ANO2: variants seen among roughly 807,000 people sequenced by gnomAD.
The protein encoded by ANO2 is anoctamin 2, also known as anoctamin-2.
ANO2 carries 101 observed loss-of-function variants against 124.2 expected under a neutral mutation model. The ratio of observed to expected loss-of-function variants is 0.81; its 90% CI spans 0.69 to 0.96. The LOEUF is 0.96. Among genes scored for constraint, ANO2 ranks in the 40% least tolerant of loss-of-function variants. The probability of loss-of-function intolerance (pLI) is 0.00; values close to 1 mark genes in which losing one functional copy is unlikely to be tolerated. For missense variants in ANO2, 1,293 were observed against 1,274.5 expected, an observed-to-expected ratio of 1.01 and a Z score of -0.22; for synonymous variants, 486 against 482.5, an observed-to-expected ratio of 1.01 and a Z score of -0.09.
In ANO2 at chr12:5,587,920, T is replaced by C. The variant is rs573751863; in HGVS notation, c.2234-9402A>G. ...CAGGTTCCAGTTCAATTTAGAAAAA[T>C]GTAAATATAATACATCTCCCCCTGC... On this transcript the variant is annotated intron_variant, in intron 20 of 24. Transcript: ENST00000682330. 4.6e-5 allele frequency among the ~76,000 whole-genome samples: 7 copies of C among 151,966 alleles called. 1 individual carries two copies. Among genetic ancestry groups the C allele is most frequent in the African/African-American group, 1.7e-4 (7 of 41,408 alleles).
chr12:5,670,001 ACATAAAACTTTACAAGT>A (rs1947912793), intron 14 of ANO2, among the ~76,000 whole-genome samples: 1 of 152,226 alleles, frequency 6.6e-6, no homozygotes, highest in African/African-American at 2.4e-5. Context: ...CTGTGAGCCC[ACATAAAACTTTACAAGT>A]CTCCTGTTCC....
intron 14 of ANO2, among the ~76,000 whole-genome samples, chr12:5,726,231 G>A (rs1003266252): frequency 6.6e-6 from 1 of 151,888 alleles, no homozygotes; most frequent in African/African-American, 2.4e-5. Flanking sequence ...TTATATTCCT[G>A]AATTTTCCCT....
intron 14 of ANO2, among the ~76,000 whole-genome samples, chr12:5,691,417 G>T (rs994662410): frequency 1.3e-5 from 2 of 151,978 alleles, no homozygotes; most frequent in Non-Finnish European, 2.9e-5. Flanking sequence ...CTGGTAGGTG[G>T]AATAAAGCAA....
intron 14 of ANO2, among the ~76,000 whole-genome samples, chr12:5,678,996 T>G (rs1948377485): frequency 1.3e-5 from 2 of 152,176 alleles, no homozygotes; most frequent in South Asian, 4.1e-4. Context: ...GGACAAGCAT[T>G]CAGGGAGCCA....
In ANO2 at chr12:5,625,194, G is replaced by C. The variant is rs911590414; in HGVS notation, c.1817-9897C>G. ...AAAATCACAGAAAGTGAATGGTGTG[G>C]GGGGGAGTGCGGCACAGAGACAGAA... On this transcript the variant is annotated intron_variant, in intron 16 of 24. Coordinates refer to ENST00000682330, the MANE Select transcript of ANO2 (RefSeq NM_001364791.2). 5.3e-5 allele frequency among the ~76,000 whole-genome samples: 8 copies of C among 152,266 alleles called. No homozygotes were observed. In the East Asian group the frequency reaches 9.7e-4, roughly 18 times the overall value.
At chr12:5,612,627 G>A (rs758391618) in intron 19 of ANO2, 29 bp downstream of exon 19, 15 of 1,597,586 alleles carry the variant, frequency 9.4e-6, no homozygotes, top group East Asian at 2.2e-5. Flanking sequence ...TGGCAGCAAG[G>A]AGAGAGGTTA....
At chr12:5,722,323 G>T (rs66525344) in intron 14 of ANO2, among the ~76,000 whole-genome samples, 1 of 151,958 alleles carries the variant, frequency 6.6e-6, no homozygotes, top group Non-Finnish European at 1.5e-5. Flanking sequence ...TGGCTAACAC[G>T]GTGAAACCCC....
In ANO2 at chr12:5,729,931, C is replaced by T. The variant is rs569354263; in HGVS notation, c.1545+2589G>A. 1.5e-4 allele frequency among the ~76,000 whole-genome samples: 23 copies of T among 152,264 alleles called. 1 individual carries two copies. In the South Asian group the frequency reaches 4.4e-3, roughly 29 times the overall value. On this transcript the variant is annotated intron_variant, in intron 14 of 24. Transcript: ENST00000682330. ...ACCGCATATTCTATAATACCATTTA[C>T]GTGAAAGTCCAGAATAGGCAAATCT...
chr12:5,594,099 ATAGAC>A (rs1316316257), intron 20 of ANO2, among the ~76,000 whole-genome samples: 2 of 152,200 alleles, frequency 1.3e-5, no homozygotes, highest in African/African-American at 4.8e-5. Context: ...TCATAGCAAA[ATAGAC>A]TAAAGAATTC....
At chr12:5,919,734 G>A (rs1008535111) in intron 3 of ANO2, among the ~76,000 whole-genome samples, 2 of 151,164 alleles carry the variant, frequency 1.3e-5, no homozygotes, top group Non-Finnish European at 2.9e-5. Flanking sequence ...GTCTCGCTCT[G>A]TCACGCAGGC....
chr12:5,695,013 T>C (rs1009678424), intron 14 of ANO2, among the ~76,000 whole-genome samples: 2 of 152,188 alleles, frequency 1.3e-5, no homozygotes, highest in Non-Finnish European at 2.9e-5. Context: ...GTCTGGTGCA[T>C]ACTTAAGTGC....
At chr12:5,945,636 C>T (rs1943071446), upstream of ANO2, among the ~76,000 whole-genome samples, 4 of 152,262 alleles carry the variant, frequency 2.6e-5, no homozygotes, top group South Asian at 8.3e-4. Flanking sequence ...GCCAGCAAAA[C>T]CTTCTTCCCG....
intron 13 of ANO2, among the ~76,000 whole-genome samples, chr12:5,736,512 T>C (rs1950870884): frequency 6.6e-6 from 1 of 152,124 alleles, no homozygotes; most frequent in Admixed American, 6.5e-5. Context: ...TAGAAAAAAC[T>C]TCTAATCATG....
At chr12:5,918,055 C>T (rs1449805991) in intron 3 of ANO2, among the ~76,000 whole-genome samples, 2 of 152,286 alleles carry the variant, frequency 1.3e-5, no homozygotes, top group East Asian at 3.9e-4. Context: ...CCTCTGCTCC[C>T]TAAGACCCAA....
rs1191599168 is a variant in ANO2, at chr12:5,647,797, T to C, written c.1550A>G (p.Asp517Gly). 6.2e-7 allele frequency: 1 copy of C among 1,608,594 alleles called. No homozygotes were observed. The highest frequency in any genetic ancestry group is 1.1e-5 in the South Asian group (1 of 89,230). ...TNTTECGDED[D>G]EDKLTWKDRF... ...ATCCTTCCAGGTCAGTTTATCTTCA[T>C]CATCCTGGGGAGAAACGGGAGAGTA... The change falls in exon 15 of 25, where the codon GAT becomes GGT. Residue 517 changes from aspartate (D) to glycine (G), a missense_variant. Physicochemically the swap from Asp to Gly is moderately conservative, Grantham distance 94. Coordinates refer to ENST00000682330, the MANE Select transcript of ANO2 (RefSeq NM_001364791.2).
Position 5,923,074 on chromosome 12 carries a change from G to GCACGCATACACACACACGCACA in ANO2, c.23-271_23-270insTGTGCGTGTGTGTGTATGCGTG, listed in dbSNP as rs1565783364. Among the ~76,000 whole-genome samples the GCACGCATACACACACACGCACA allele has an allele frequency of 4.4e-4, 15 of 33,898 alleles. 1 individual carries two copies. Among genetic ancestry groups the GCACGCATACACACACACGCACA allele is most frequent in the African/African-American group, 1.2e-3 (15 of 12,858 alleles). 22.2% of individuals were successfully genotyped at this position (33,898 alleles called of 152,430 possible). On this transcript the variant is annotated intron_variant, in intron 1 of 24. Coordinates refer to ENST00000682330, the MANE Select transcript of ANO2 (RefSeq NM_001364791.2). ...CACACACCCACATACACACACACAT[G>GCACGCATACACACACACGCACA]CACACATACACACACACACGCACAC...
chr12:5,772,443 A>G (rs1952111026), intron 10 of ANO2, among the ~76,000 whole-genome samples: 1 of 152,230 alleles, frequency 6.6e-6, no homozygotes, highest in African/African-American at 2.4e-5. Context: ...AAAGATAATT[A>G]TTAGATTAAA....
chr12:5,876,603 G>A (rs1009207327), intron 3 of ANO2, among the ~76,000 whole-genome samples: 3 of 152,154 alleles, frequency 2.0e-5, no homozygotes, highest in African/African-American at 7.2e-5. Flanking sequence ...ATGATAGACT[G>A]GATAAAGAAA....
chr12:5,712,868 G>A (rs1049128157), intron 14 of ANO2, among the ~76,000 whole-genome samples: 1 of 152,182 alleles, frequency 6.6e-6, no homozygotes, highest in Non-Finnish European at 1.5e-5. Context: ...GCCAGGAGCT[G>A]GGAAATGTTC....
Sources: allele counts gnomAD v4.1 joint callset (sites outside exome capture counted in the v4.1 genomes callset), GRCh38; gene constraint gnomAD v4.1.1; transcripts MANE v1.5; gene names NCBI Gene and HGNC (gene_info 2026-07-23, HGNC 2026-07-21).